RABGAP1L: variants seen among roughly 807,000 people sequenced by gnomAD.
RABGAP1L encodes the protein rab GTPase-activating protein 1-like.
Under a neutral mutation model 137.7 loss-of-function variants are expected in RABGAP1L, and 63 were observed. The observed-to-expected ratio is 0.46, with a 90% CI of 0.37 to 0.56. The LOEUF is 0.56. Ranked by LOEUF, RABGAP1L falls within the 20% of genes least tolerant of loss-of-function variation. The probability of loss-of-function intolerance (pLI) is 0.00; values close to 1 mark genes in which losing one functional copy is unlikely to be tolerated. For synonymous variants in RABGAP1L, 431 were observed against 433.7 expected (o/e 0.99, Z 0.08); for missense variants, 1,095 against 1,244.0 (o/e 0.88, Z 1.80).
At chr1:174,498,606 C>T (rs1239001153) in intron 13 of RABGAP1L, among the ~76,000 whole-genome samples, 2 of 151,810 alleles carry the variant, frequency 1.3e-5, no homozygotes, top group Non-Finnish European at 2.9e-5. Flanking sequence ...AGATAATTCT[C>T]CTGCCTCAGC....
intron 12 of RABGAP1L, among the ~76,000 whole-genome samples, chr1:174,392,832 C>A (rs1349874037): frequency 6.6e-6 from 1 of 152,048 alleles, no homozygotes; most frequent in Non-Finnish European, 1.5e-5. Context: ...GAAACCAGAG[C>A]CTGGGGTGTT....
chr1:174,548,012 A>G (rs1558330841), intron 13 of RABGAP1L: 1 of 1,550,612 alleles, frequency 6.4e-7, no homozygotes, highest in Non-Finnish European at 8.7e-7. Context: ...TTGTACAAAT[A>G]TGTCCTAAAA....
rs1447941899 is a variant in RABGAP1L at position 174,712,229 on chromosome 1, C to T, written c.2169+9973C>T. On this transcript the variant is annotated intron_variant, in intron 17 of 25. Transcript: ENST00000681986. Reference sequence around the variant, plus strand: ...AGATAAGAGAATAAAAGCAGGCTGCCCGAGCAGTCACCTTCCGGACTGTGG... The same window carrying T: ...AGATAAGAGAATAAAAGCAGGCTGCTCGAGCAGTCACCTTCCGGACTGTGG... 2.6e-5 allele frequency among the ~76,000 whole-genome samples: 4 copies of T among 152,178 alleles called. No homozygotes were observed. The East Asian group carries it at 7.7e-4, about 29-fold the overall frequency.
intron 11 of RABGAP1L, among the ~76,000 whole-genome samples, chr1:174,311,236 A>T (rs1678814735): frequency 6.6e-6 from 1 of 152,150 alleles, no homozygotes; most frequent in South Asian, 2.1e-4. Flanking sequence ...TACTTTCTTC[A>T]CAAGGCGGCA....
chr1:174,339,701 G>A (rs1210753976), intron 11 of RABGAP1L, among the ~76,000 whole-genome samples: 1 of 151,952 alleles, frequency 6.6e-6, no homozygotes, highest in African/African-American at 2.4e-5. Flanking sequence ...CTGCTTCCCA[G>A]GTTCAATTGA....
chr1:174,454,217 C>T (rs560683337), intron 13 of RABGAP1L, among the ~76,000 whole-genome samples: 3 of 151,840 alleles, frequency 2.0e-5, no homozygotes, highest in African/African-American at 7.2e-5. Context: ...GAGCCGAGAT[C>T]GCACCACTGC....
chr1:174,725,196 A>G (rs1263226910), intron 17 of RABGAP1L, among the ~76,000 whole-genome samples: 1 of 152,176 alleles, frequency 6.6e-6, no homozygotes, highest in Non-Finnish European at 1.5e-5. Context: ...ACCAGTTAGG[A>G]GCTACTGCTC....
At chr1:174,889,128 CTT>C (rs34006510) in intron 19 of RABGAP1L, among the ~76,000 whole-genome samples, 2 of 144,532 alleles carry the variant, frequency 1.4e-5, no homozygotes, top group Non-Finnish European at 1.5e-5. Flanking sequence ...TTAATTTTAA[CTT>C]TTTTTTTTTT....
intron 17 of RABGAP1L, among the ~76,000 whole-genome samples, chr1:174,714,978 T>C (rs188392194): frequency 7.2e-5 from 11 of 152,268 alleles, no homozygotes; most frequent in African/African-American, 2.4e-4. Context: ...TAGCTTGGCA[T>C]AGGAATTTAA....
At chr1:174,632,106 C>T (rs1165542446) in intron 13 of RABGAP1L, among the ~76,000 whole-genome samples, 2 of 128,662 alleles carry the variant, frequency 1.6e-5, no homozygotes, top group African/African-American at 6.0e-5. Flanking sequence ...CAAAATCTGT[C>T]AGCATTTGCT....
intron 13 of RABGAP1L, among the ~76,000 whole-genome samples, chr1:174,557,547 A>C (rs1666956369): frequency 6.6e-6 from 1 of 152,174 alleles, no homozygotes; most frequent in Admixed American, 6.5e-5. Flanking sequence ...ACCCCATTGA[A>C]TATTTCCACT....
chr1:174,953,378 G>T (rs1205020680), intron 19 of RABGAP1L, among the ~76,000 whole-genome samples: 2 of 152,128 alleles, frequency 1.3e-5, no homozygotes, highest in African/African-American at 4.8e-5. Flanking sequence ...AAAGAGTAAG[G>T]CAAATGAGTA....
rs548704086 is a variant in RABGAP1L at position 174,264,951 on chromosome 1, T to C, written c.987-7463T>C. On this transcript the variant is annotated intron_variant, in intron 7 of 25. Coordinates refer to ENST00000681986, the MANE Select transcript of RABGAP1L (RefSeq NM_001366446.1). ...ATGTAGGTACTTTTGCTATAAATTT[T>C]CTCATAAAATTGAATTCATCATTTT... Among the ~76,000 whole-genome samples, 293 of 152,314 alleles carry C rather than the reference T, an allele frequency of 1.9e-3. 2 individuals are homozygous for C. The highest frequency in any genetic ancestry group is 6.7e-3 in the African/African-American group (279 of 41,572).
At chr1:174,512,480 T>A (rs1319115604) in intron 13 of RABGAP1L, among the ~76,000 whole-genome samples, 1 of 152,226 alleles carries the variant, frequency 6.6e-6, no homozygotes, top group African/African-American at 2.4e-5. Context: ...AACATATACA[T>A]AAGAAGTGAG....
intron 13 of RABGAP1L, among the ~76,000 whole-genome samples, chr1:174,621,818 A>G (rs1453955490): frequency 1.3e-5 from 2 of 152,254 alleles, no homozygotes; most frequent in African/African-American, 2.4e-5. Context: ...CTAAAACACA[A>G]AAAGTAATGG....
intron 11 of RABGAP1L, among the ~76,000 whole-genome samples, chr1:174,322,748 C>T (rs1174709242): frequency 6.6e-6 from 1 of 152,160 alleles, no homozygotes; most frequent in African/African-American, 2.4e-5. Flanking sequence ...GGGGTCATCT[C>T]TATCTCAGCT....
intron 4 of RABGAP1L, among the ~76,000 whole-genome samples, chr1:174,239,564 C>T (rs559039193): frequency 6.6e-6 from 1 of 152,062 alleles, no homozygotes; most frequent in Admixed American, 6.6e-5. Context: ...CATACTGGGC[C>T]ATTTTTTTTT....
At chr1:174,552,131 GCA>G (rs1308086116) in intron 13 of RABGAP1L, among the ~76,000 whole-genome samples, 6 of 152,068 alleles carry the variant, frequency 3.9e-5, no homozygotes, top group Admixed American at 3.9e-4. Context: ...TTTTGGCATG[GCA>G]CATGATCTTC....
chr1:174,312,475 C>A (rs1299306963), intron 11 of RABGAP1L, among the ~76,000 whole-genome samples: 2 of 152,012 alleles, frequency 1.3e-5, no homozygotes, highest in African/African-American at 2.4e-5. Flanking sequence ...GATGTTTGAG[C>A]TGTTCCTTAT....
Sources: allele counts gnomAD v4.1 joint callset (sites outside exome capture counted in the v4.1 genomes callset), GRCh38; gene constraint gnomAD v4.1.1; transcripts MANE v1.5; gene names NCBI Gene and HGNC (gene_info 2026-07-23, HGNC 2026-07-21).